The following SULF1 variants were observed in gnomAD, a reference collection of about 807,000 sequenced individuals.
SULF1 encodes sulfatase 1.
SULF1 carries 46 observed loss-of-function variants against 110.5 expected under a neutral mutation model. That is an observed-to-expected ratio of 0.42 (90% CI 0.33 to 0.53). The LOEUF (loss-of-function observed/expected upper bound fraction) is 0.53, where lower values mean the gene tolerates loss of function less well. Ranked by LOEUF, SULF1 falls within the 20% of genes least tolerant of loss-of-function variation. The pLI, the probability that SULF1 is intolerant of heterozygous loss-of-function variation, is 0.12. For missense variants in SULF1, 941 were observed against 1,094.2 expected (o/e 0.86, Z 1.98); for synonymous variants, 371 against 387.1 (o/e 0.96, Z 0.49).
chr8:69,558,334 G>A (rs71517437), intron 3 of SULF1, among the ~76,000 whole-genome samples: 6,647 of 152,194 alleles, frequency 0.044, 208 homozygotes, highest in Middle Eastern at 0.092. Flanking sequence ...TCGCATAACT[G>A]CATAATCTCC....
intron 22 of SULF1, among the ~76,000 whole-genome samples, chr8:69,657,901 C>T (rs1023395870): frequency 6.6e-5 from 10 of 152,170 alleles, no homozygotes; most frequent in African/African-American, 2.2e-4. Flanking sequence ...TTATCTAAGG[C>T]ACACATTTAT....
intron 3 of SULF1, among the ~76,000 whole-genome samples, chr8:69,520,189 G>T (rs577102982): frequency 6.6e-6 from 1 of 151,150 alleles, no homozygotes; most frequent in Non-Finnish European, 1.5e-5. Context: ...TCAACACAGG[G>T]TTCACACAAT....
At chr8:69,580,354 T>C (rs545114217) in intron 6 of SULF1, among the ~76,000 whole-genome samples, 13 of 152,338 alleles carry the variant, frequency 8.5e-5, no homozygotes, top group Admixed American at 3.9e-4. Context: ...TCAACATTAA[T>C]ATAAAACCTG....
intron 3 of SULF1, among the ~76,000 whole-genome samples, chr8:69,556,832 A>G (rs1376560644): frequency 6.6e-6 from 1 of 152,122 alleles, no homozygotes; most frequent in Non-Finnish European, 1.5e-5. Flanking sequence ...AACGTGTGTC[A>G]TGGTGGCTTG....
rs759057560 is a variant in SULF1 at position 69,624,064 on chromosome 8, A to G, written c.1717A>G (p.Ile573Val). ...ATTGCAAGTGTTGCAACCAAGAAAC[A>G]TTGCTAAGCGTCATGATGAAGGCCA... ...EELQVLQPRNIAKRHDEGHKG... is the reference protein window; with the variant it reads ...EELQVLQPRNVAKRHDEGHKG... The change falls in exon 15 of 23, where the codon ATT (isoleucine) becomes GTT (valine). Residue 573 changes from isoleucine (I) to valine (V), a missense_variant. By Grantham distance (29) the Ile-to-Val change is conservative (BLOSUM62 3). Transcript: ENST00000402687. The G allele has an allele frequency of 6.2e-7, 1 of 1,614,182 alleles. No individual in the cohort carries two copies. The highest frequency in any genetic ancestry group is 1.3e-5 in the African/African-American group (1 of 75,054).
At chr8:69,484,123 T>C (rs1000539761) in intron 1 of SULF1, among the ~76,000 whole-genome samples, 2 of 152,220 alleles carry the variant, frequency 1.3e-5, no homozygotes, top group African/African-American at 4.8e-5. Context: ...AACTAGTCCT[T>C]ATTCCACATT....
intron 3 of SULF1, among the ~76,000 whole-genome samples, chr8:69,528,185 A>G (rs990867152): frequency 1.3e-5 from 2 of 152,070 alleles, no homozygotes; most frequent in Admixed American, 6.6e-5. Context: ...TTTCAGGGAG[A>G]TTTTGATGAA....
intron 8 of SULF1, among the ~76,000 whole-genome samples, chr8:69,591,452 T>A (rs1242664920): frequency 2.0e-5 from 3 of 151,590 alleles, no homozygotes; most frequent in African/African-American, 7.3e-5. Flanking sequence ...TAGTCCTAGC[T>A]ACTCGGGAGG....
At chr8:69,640,935 A>C (rs953109541) in intron 22 of SULF1, 94 bp downstream of exon 22, 7 of 1,258,098 alleles carry the variant, frequency 5.6e-6, no homozygotes, top group African/African-American at 1.5e-5. Flanking sequence ...ACCGTGTTGC[A>C]CAGAGCAAAG....
At chr8:69,589,215 T>C in intron 8 of SULF1, 74 bp downstream of exon 8, 4 of 1,430,046 alleles carry the variant, frequency 2.8e-6, no homozygotes, top group Non-Finnish European at 2.9e-6. Flanking sequence ...TCCTCTCCTT[T>C]ACCCCGTTTC....
At chr8:69,650,440 G>A (rs180876371) in intron 22 of SULF1, among the ~76,000 whole-genome samples, 22 of 152,160 alleles carry the variant, frequency 1.4e-4, no homozygotes, top group East Asian at 3.9e-4. Flanking sequence ...GTTCAAGACC[G>A]GCCTGAGCAG....
chr8:69,470,162 T>C (rs1809022840), intron 1 of SULF1, among the ~76,000 whole-genome samples: 1 of 152,174 alleles, frequency 6.6e-6, no homozygotes, highest in Non-Finnish European at 1.5e-5. Flanking sequence ...GACATCCGGT[T>C]TTTTTTCCCC....
intron 3 of SULF1, among the ~76,000 whole-genome samples, chr8:69,530,039 C>T (rs1812975182): frequency 6.6e-6 from 1 of 152,136 alleles, no homozygotes. Flanking sequence ...TCTCATTTTT[C>T]TGCTTTAGGG....
rs1809883534 is a variant in SULF1, at chr8:69,624,912, C to T, written c.1850+715C>T. Among the ~76,000 whole-genome samples, 4 of 152,122 alleles carry T rather than the reference C, an allele frequency of 2.6e-5. No individual in the cohort carries two copies. In the South Asian group the frequency reaches 8.3e-4, roughly 32 times the overall value. ...ATTAGCAAGATCTTTGTTTTCTCTC[C>T]CTAATTGTATCACTTTGAGGAGATG... On this transcript the variant is annotated intron_variant, in intron 15 of 22. Coordinates refer to ENST00000402687, the MANE Select transcript of SULF1 (RefSeq NM_001128205.2).
chr8:69,492,443 A>G (rs1172543354), upstream of SULF1, among the ~76,000 whole-genome samples: 1 of 152,132 alleles, frequency 6.6e-6, no homozygotes, highest in Non-Finnish European at 1.5e-5. Context: ...TCTGAGTCTA[A>G]GAAACATCAG....
chr8:69,628,075 C>T lies in SULF1; in HGVS notation c.2043-96C>T, dbSNP rs527775355. The T allele has an allele frequency of 5.1e-5, 54 of 1,058,054 alleles. No individual in the cohort carries two copies. In the East Asian group the frequency reaches 1.2e-3, roughly 23 times the overall value. The allele number at this position is 1,058,054 out of a possible 1,614,324, so 65.5% of individuals were successfully genotyped here. On this transcript the variant is annotated intron_variant, in intron 17 of 22. Transcript: ENST00000402687. ...AGCTAAAATACTTACAACATCACTGCCTTCCTTCTTTCTATTTTGCTTTCT... is the reference window on the plus strand; with the variant it reads ...AGCTAAAATACTTACAACATCACTGTCTTCCTTCTTTCTATTTTGCTTTCT...
intron 8 of SULF1, among the ~76,000 whole-genome samples, chr8:69,590,269 C>A (rs763989406): frequency 5.9e-5 from 9 of 152,192 alleles, no homozygotes; most frequent in Non-Finnish European, 1.2e-4. Flanking sequence ...TCAAACAATT[C>A]TCCCACCTCA....
intron 13 of SULF1, among the ~76,000 whole-genome samples, chr8:69,615,169 C>G (rs1387837356): frequency 6.6e-6 from 1 of 152,198 alleles, no homozygotes; most frequent in Non-Finnish European, 1.5e-5. Context: ...AGGCTTTCAT[C>G]TGATTCCTGA....
intron 3 of SULF1, among the ~76,000 whole-genome samples, chr8:69,556,561 C>T (rs960605324): frequency 3.9e-5 from 6 of 152,166 alleles, no homozygotes; most frequent in Non-Finnish European, 7.3e-5. Flanking sequence ...TTGCAACAAA[C>T]TACTTCTGCT....
Sources: gnomAD v4.1 joint callset for allele counts (sites outside exome capture counted in the v4.1 genomes callset) on GRCh38, gnomAD v4.1.1 for gene constraint, MANE v1.5 for transcripts, NCBI Gene and HGNC (gene_info 2026-07-23, HGNC 2026-07-21) for gene names.